PTK2: variants seen among roughly 807,000 people sequenced by gnomAD.
PTK2 encodes the protein protein tyrosine kinase 2.
PTK2 carries 45 observed loss-of-function variants against 150.1 expected under a neutral mutation model. The observed-to-expected ratio is 0.30, with a 90% confidence interval of 0.24 to 0.38. The LOEUF is 0.38. Among genes scored for constraint, PTK2 ranks in the 10% least tolerant of loss-of-function variants. PTK2 has a pLI of 1.00. For missense variants in PTK2, 919 were observed against 1,307.3 expected (o/e 0.70, Z 4.58); for synonymous variants, 432 against 449.2 (o/e 0.96, Z 0.48).
chr8:140,819,087 G>GT (rs1351068314), intron 8 of PTK2, 67 bp from the exon 9 acceptor site: 1 of 1,511,950 alleles, frequency 6.6e-7, no homozygotes, highest in African/African-American at 1.4e-5. Flanking sequence ...AACAATAATG[G>GT]TAAGATTTCT....
At chr8:140,924,932 A>C (rs957929398) in intron 2 of PTK2, among the ~76,000 whole-genome samples, 1 of 152,218 alleles carries the variant, frequency 6.6e-6, no homozygotes, top group Non-Finnish European at 1.5e-5. Context: ...ATCAGTAAGC[A>C]TAAGAGAGAA....
chr8:140,879,189 C>T, intron 4 of PTK2: 1 of 256,686 alleles, frequency 3.9e-6, no homozygotes, highest in Non-Finnish European at 7.3e-6. Context: ...TTATTGGGAG[C>T]AAAGGTTGAA....
chr8:140,916,584 C>T (rs1210451086), intron 2 of PTK2, among the ~76,000 whole-genome samples: 3 of 152,240 alleles, frequency 2.0e-5, no homozygotes, highest in African/African-American at 2.4e-5. Context: ...TAACACTTAA[C>T]ACCTTCTATC....
intron 27 of PTK2, among the ~76,000 whole-genome samples, chr8:140,680,096 T>G (rs540145374): frequency 6.6e-6 from 1 of 152,262 alleles, no homozygotes; most frequent in East Asian, 1.9e-4. Flanking sequence ...GTGTCAAGAG[T>G]GATGCGACAC....
At chr8:140,959,494 A>C (rs2100182344) in intron 1 of PTK2, among the ~76,000 whole-genome samples, 1 of 149,752 alleles carries the variant, frequency 6.7e-6, no homozygotes, top group African/African-American at 2.5e-5. Flanking sequence ...AGCGGAGATC[A>C]CGACACTGCA....
intron 18 of PTK2, among the ~76,000 whole-genome samples, chr8:140,745,929 G>A (rs913409971): frequency 1.4e-4 from 21 of 151,848 alleles, no homozygotes; most frequent in Non-Finnish European, 2.5e-4. Flanking sequence ...GAACCTGGGA[G>A]GCGGAGGTTG....
exon 25 of PTK2, chr8:140,702,655 T>C (rs1169957667): frequency 1.2e-6 from 2 of 1,614,046 alleles, no homozygotes; most frequent in Non-Finnish European, 8.5e-7. Context: ...CTGACCTGGA[T>C]AGATGCTGCC....
At chr8:140,833,124 A>G (rs2100116507) in intron 7 of PTK2, 1 of 507,896 alleles carries the variant, frequency 2.0e-6, no homozygotes, top group Admixed American at 2.0e-5. Context: ...TTTTGAAAAT[A>G]AAGACGAATA....
At chr8:140,980,758 T>TC (rs974031393) in intron 1 of PTK2, among the ~76,000 whole-genome samples, 2 of 150,426 alleles carry the variant, frequency 1.3e-5, no homozygotes, top group African/African-American at 4.9e-5. Flanking sequence ...AAAGCTTTTT[T>TC]TTTTTTTTTT....
intron 10 of PTK2, among the ~76,000 whole-genome samples, chr8:140,814,259 A>G (rs559086941): frequency 7.9e-5 from 12 of 152,320 alleles, no homozygotes; most frequent in African/African-American, 1.2e-4. Context: ...TACTAAAACT[A>G]TTCCAATAAA....
intron 1 of PTK2, among the ~76,000 whole-genome samples, chr8:140,986,834 C>T (rs1426175326): frequency 6.6e-6 from 1 of 152,098 alleles, no homozygotes; most frequent in Non-Finnish European, 1.5e-5. Flanking sequence ...TCAAAAGAAT[C>T]CTACAAATCA....
intron 1 of PTK2, among the ~76,000 whole-genome samples, chr8:140,958,289 C>T (rs557545366): frequency 1.3e-5 from 2 of 152,080 alleles, no homozygotes; most frequent in African/African-American, 4.8e-5. Flanking sequence ...CAGGTCTGTG[C>T]CACCATACCC....
intron 22 of PTK2, among the ~76,000 whole-genome samples, chr8:140,729,995 C>T (rs1258379648): frequency 6.6e-6 from 1 of 152,220 alleles, no homozygotes; most frequent in East Asian, 1.9e-4. Flanking sequence ...TGCCTGCCAA[C>T]AGACATTGCT....
rs562100490 is a variant in PTK2 at position 140,740,154 on chromosome 8, T to A, written c.1736-1047A>T. On this transcript the variant is annotated intron_variant, in intron 20 of 31. Coordinates refer to ENST00000522684, the Ensembl canonical transcript of PTK2. The stretch of plus-strand genomic sequence containing the variant: ...AAACCTTAGTAAACATTTCCTCAAC[T>A]GCTGAGTTCTCAAGATGAACAATCC... Among the ~76,000 whole-genome samples the A allele has an allele frequency of 1.2e-4, 18 of 152,282 alleles. No individual in the cohort carries two copies. In the South Asian group the frequency reaches 3.7e-3, roughly 32 times the overall value.
At chr8:140,792,136 T>C (rs1467187030) in intron 13 of PTK2, among the ~76,000 whole-genome samples, 2 of 152,196 alleles carry the variant, frequency 1.3e-5, no homozygotes, top group Non-Finnish European at 2.9e-5. Context: ...GCCTGCTATC[T>C]GGGAACTTGG....
At chr8:140,800,395 G>T in intron 12 of PTK2, 64 bp downstream of exon 12, 1 of 1,298,942 alleles carries the variant, frequency 7.7e-7, no homozygotes, top group South Asian at 1.2e-5. Flanking sequence ...CAGGCTGTTA[G>T]GGGCAAGCAC....
intron 1 of PTK2, among the ~76,000 whole-genome samples, chr8:140,938,257 T>C (rs1009584702): frequency 6.6e-6 from 1 of 152,208 alleles, no homozygotes; most frequent in Non-Finnish European, 1.5e-5. Flanking sequence ...CCCAGCCACG[T>C]GCAGGTTTTC....
exon 2 of PTK2, chr8:140,925,742 A>C (rs2100169200): frequency 2.6e-6 from 2 of 782,948 alleles, no homozygotes; most frequent in South Asian, 5.8e-5. Flanking sequence ...AGGGAGCCCC[A>C]GTTCTGCCTG....
chr8:140,989,910 C>CA (rs11400792), intron 1 of PTK2, among the ~76,000 whole-genome samples: 59,450 of 135,772 alleles, frequency 0.44, 12,812 homozygotes, highest in South Asian at 0.54. Context: ...CTCTTTGTCT[C>CA]AAAAAAAAAA....
Sources: allele counts gnomAD v4.1 joint callset (sites outside exome capture counted in the v4.1 genomes callset), GRCh38; gene constraint gnomAD v4.1.1; transcripts MANE v1.5; gene names NCBI Gene and HGNC (gene_info 2026-07-23, HGNC 2026-07-21).